Variants in SKP2 observed in about 807,000 individuals in gnomAD.
SKP2 encodes the protein S-phase kinase-associated protein 2.
SKP2 carries 16 observed loss-of-function variants against 51.8 expected under a neutral mutation model. The ratio of observed to expected loss-of-function variants is 0.31; its 90% CI spans 0.21 to 0.47. SKP2 has a LOEUF of 0.47. SKP2 is among the 20% of genes least tolerant of loss of function. SKP2 has a pLI of 1.00. For synonymous variants in SKP2, 176 were observed against 198.6 expected, an observed-to-expected ratio of 0.89 and a Z score of 0.96; for missense variants, 377 against 505.3, an observed-to-expected ratio of 0.75 and a Z score of 2.43.
At chr5:36,158,092 G>A (rs1390095153) in intron 2 of SKP2, among the ~76,000 whole-genome samples, 1 of 152,160 alleles carries the variant, frequency 6.6e-6, no homozygotes, top group Non-Finnish European at 1.5e-5. Flanking sequence ...GCCCTTTCCT[G>A]GCCCTGAAGT....
intron 2 of SKP2, among the ~76,000 whole-genome samples, chr5:36,155,699 T>A (rs1744924681): frequency 6.6e-6 from 1 of 152,234 alleles, no homozygotes; most frequent in Non-Finnish European, 1.5e-5. Context: ...AATCTGGTGC[T>A]TGACCAACCA....
chr5:36,181,041 T>TGAAACAGAATTTGA (rs1021276893), intron 9 of SKP2, among the ~76,000 whole-genome samples: 3 of 152,268 alleles, frequency 2.0e-5, no homozygotes, highest in South Asian at 4.1e-4. Context: ...ACAGAATTTG[T>TGAAACAGAATTTGA]GAAACAGAAT....
chr5:36,166,910 T>C (rs866160137), intron 4 of SKP2, among the ~76,000 whole-genome samples: 2 of 152,100 alleles, frequency 1.3e-5, no homozygotes, highest in Non-Finnish European at 2.9e-5. Flanking sequence ...GAGGCACATT[T>C]GTCTTCTCAA....
At chr5:36,190,683 C>CAAAAAAAAAAAAAAA (rs70973094) in intron 6 of SKP2, among the ~76,000 whole-genome samples, 18 of 81,182 alleles carry the variant, frequency 2.2e-4, no homozygotes, top group African/African-American at 8.0e-4. Flanking sequence ...CAAACATATG[C>CAAAAAAAAAAAAAAA]AAAAAAAAAA....
At chr5:36,177,154 T>G in intron 8 of SKP2, 31 bp from the exon 9 acceptor site, 1 of 1,462,084 alleles carries the variant, frequency 6.8e-7, no homozygotes, top group Non-Finnish European at 9.6e-7. Flanking sequence ...ATGTGTGATT[T>G]TCAATATCTT....
At chr5:36,185,644 T>A (rs571194744), downstream of SKP2, among the ~76,000 whole-genome samples, 1 of 152,336 alleles carries the variant, frequency 6.6e-6, no homozygotes, top group East Asian at 1.9e-4. Flanking sequence ...CATGCTGTTT[T>A]GGTTACTGTA....
At chr5:36,190,835 A>G (rs927604351) in intron 6 of SKP2, among the ~76,000 whole-genome samples, 1 of 152,066 alleles carries the variant, frequency 6.6e-6, no homozygotes, top group Admixed American at 6.6e-5. Context: ...CCATAATATC[A>G]TAACTATTTT....
intron 7 of SKP2, among the ~76,000 whole-genome samples, chr5:36,174,333 T>G (rs1324446339): frequency 2.6e-5 from 4 of 152,090 alleles, no homozygotes; most frequent in Non-Finnish European, 5.9e-5. Flanking sequence ...ACTAACTACT[T>G]CCTGCCCAGG....
chr5:36,184,616 T>C (rs924680755), downstream of SKP2, among the ~76,000 whole-genome samples: 1 of 152,206 alleles, frequency 6.6e-6, no homozygotes, highest in Non-Finnish European at 1.5e-5. Flanking sequence ...GGCTGCATAG[T>C]GTTCCATGGT....
At chr5:36,173,155 C>T (rs1745527112) in intron 7 of SKP2, among the ~76,000 whole-genome samples, 1 of 151,616 alleles carries the variant, frequency 6.6e-6, no homozygotes, top group Non-Finnish European at 1.5e-5. Context: ...ATGTGATAGT[C>T]CATCAAATAG....
At chr5:36,187,117 G>T (rs1345701441), downstream of SKP2, among the ~76,000 whole-genome samples, 2 of 151,354 alleles carry the variant, frequency 1.3e-5, no homozygotes, top group Admixed American at 6.6e-5. Flanking sequence ...TATTGCGTTT[G>T]ATTCTTCTCT....
intron 4 of SKP2, 100 bp downstream of exon 4, chr5:36,166,762 A>G (rs2111976676): frequency 1.9e-6 from 2 of 1,042,170 alleles, no homozygotes; most frequent in Non-Finnish European, 1.4e-6. Context: ...CTTAAAGCCT[A>G]TGGTAGGTTA....
intron 6 of SKP2, among the ~76,000 whole-genome samples, chr5:36,189,459 G>A (rs1287083512): frequency 1.3e-5 from 2 of 152,206 alleles, no homozygotes; most frequent in East Asian, 1.9e-4. Context: ...TCAGCTGCAC[G>A]TCTGTTGGAG....
intron 9 of SKP2, among the ~76,000 whole-genome samples, chr5:36,179,589 T>C (rs941568985): frequency 1.1e-4 from 16 of 152,180 alleles, no homozygotes; most frequent in African/African-American, 3.6e-4. Flanking sequence ...AGTAAACTAA[T>C]CTAAGATAAG....
chr5:36,170,547 C>T (rs1745437499), intron 6 of SKP2, 105 bp downstream of exon 6: 1 of 658,620 alleles, frequency 1.5e-6, no homozygotes, highest in African/African-American at 1.9e-5. Flanking sequence ...TTGTACTTTC[C>T]AGGCTCTTGA....
At chr5:36,161,131 A>C (rs767692669) in intron 2 of SKP2, among the ~76,000 whole-genome samples, 11 of 152,060 alleles carry the variant, frequency 7.2e-5, no homozygotes, top group Non-Finnish European at 1.6e-4. Flanking sequence ...GTTTGTCTAT[A>C]TCTCTCAAAC....
chr5:36,184,554 T>C (rs1020816884), downstream of SKP2, among the ~76,000 whole-genome samples: 2 of 152,158 alleles, frequency 1.3e-5, no homozygotes, highest in Admixed American at 1.3e-4. Context: ...AGAATGATGG[T>C]TTCCAGCTTC....
rs769922492 is a variant in SKP2, at chr5:36,152,806, A to G, written c.44A>G (p.Asn15Ser). Residue 15 changes from asparagine to serine, a missense_variant, in exon 2 of 10, where the codon AAC (asparagine) becomes AGC (serine). Coordinates refer to ENST00000274255, the MANE Select transcript of SKP2 (RefSeq NM_005983.4). ...HLQEIPDLSS[N>S]VATSFTWGWD... ...CAGGAGATTCCAGACCTGAGTAGCAACGTTGCCACCAGCTTCACGTGGGGA... is the reference window on the plus strand; with the variant it reads ...CAGGAGATTCCAGACCTGAGTAGCAGCGTTGCCACCAGCTTCACGTGGGGA... 4.3e-6 allele frequency: 7 copies of G among 1,613,942 alleles called. No homozygotes were observed. The highest frequency in any genetic ancestry group is 1.7e-5 in the Admixed American group (1 of 59,996).
At chr5:36,164,923 A>C (rs11742765) in intron 3 of SKP2, among the ~76,000 whole-genome samples, 125,300 of 152,138 alleles carry the variant, frequency 0.82, 52,821 homozygotes, top group Non-Finnish European at 0.92. Context: ...AAAAGCACCT[A>C]AAATTTACTC....
Sources: gnomAD v4.1 joint callset for allele counts (sites outside exome capture counted in the v4.1 genomes callset) on GRCh38, gnomAD v4.1.1 for gene constraint, MANE v1.5 for transcripts, NCBI Gene and HGNC (gene_info 2026-07-23, HGNC 2026-07-21) for gene names.